The following NIPAL2 variants were observed in gnomAD, a reference collection of about 807,000 sequenced individuals.
NIPAL2 encodes NIPA like domain containing 2.
Under a neutral mutation model 48.9 loss-of-function variants are expected in NIPAL2, and 43 were observed. The ratio of observed to expected loss-of-function variants is 0.88; its 90% confidence interval spans 0.69 to 1.13. NIPAL2 has a LOEUF of 1.13. Ranked by LOEUF, NIPAL2 falls within the 50% of genes most tolerant of loss-of-function variation. The pLI, the probability that NIPAL2 is intolerant of heterozygous loss-of-function variation, is 0.00. For synonymous variants in NIPAL2, 167 were observed against 174.6 expected (o/e 0.96, Z 0.34); for missense variants, 446 against 461.4 (o/e 0.97, Z 0.31).
chr8:98,259,069 C>CTTTTTTTTTTTTTTTTTTTTTTTTTTT (rs1563531576), intron 1 of NIPAL2, among the ~76,000 whole-genome samples: 1 of 89,354 alleles, frequency 1.1e-5, no homozygotes, highest in African/African-American at 4.6e-5. Context: ...TTTAAATATT[C>CTTTTTTTTTTTTTTTTTTTTTTTTTTT]CTTTTTTTTT....
At chr8:98,195,666 G>T in intron 9 of NIPAL2, 1 of 314,894 alleles carries the variant, frequency 3.2e-6, no homozygotes. Context: ...GAAAGGTCGT[G>T]CAGTAACTAC....
intron 1 of NIPAL2, among the ~76,000 whole-genome samples, chr8:98,269,701 T>C (rs1815008272): frequency 6.6e-6 from 1 of 152,172 alleles, no homozygotes; most frequent in African/African-American, 2.4e-5. Flanking sequence ...TTTCCATTTT[T>C]CTTTTAGATT....
At chr8:98,233,666 G>A (rs1048200776) in intron 4 of NIPAL2, among the ~76,000 whole-genome samples, 1 of 152,162 alleles carries the variant, frequency 6.6e-6, no homozygotes, top group Non-Finnish European at 1.5e-5. Flanking sequence ...CTGGTTTATT[G>A]CTTCTGGTAA....
At chr8:98,263,313 C>A (rs1332198393) in intron 1 of NIPAL2, among the ~76,000 whole-genome samples, 6 of 150,044 alleles carry the variant, frequency 4.0e-5, no homozygotes, top group African/African-American at 9.8e-5. Flanking sequence ...ACACAAAAGA[C>A]CCTTCAAAAA....
At chr8:98,193,534 T>A in intron 10 of NIPAL2, 1 of 990,410 alleles carries the variant, frequency 1.0e-6, no homozygotes, top group Non-Finnish European at 1.6e-6. Flanking sequence ...TTAAAAATAA[T>A]CAGGCTCGGT....
At chr8:98,260,483 G>A (rs995158876) in intron 1 of NIPAL2, among the ~76,000 whole-genome samples, 3 of 152,182 alleles carry the variant, frequency 2.0e-5, no homozygotes, top group Non-Finnish European at 2.9e-5. Flanking sequence ...AAGGGGTCAG[G>A]GAGTTCCCTT....
In NIPAL2 at chr8:98,212,487, T is replaced by C; in HGVS notation, c.573A>G (p.Leu191=). Residue 191 remains leucine, a synonymous_variant, in exon 6 of 11, where the codon TTA becomes TTG. Coordinates refer to ENST00000430223, the MANE Select transcript of NIPAL2 (RefSeq NM_001321635.2). ...AGAAATACAGGAGAATGCAGAAAAT[T>C]AATATTTCTAAAATCTAGAAATGAA... The part of the protein sequence containing the change: ...QFLIYVILEI[L]IFCILLYFYK... The C allele has an allele frequency of 1.4e-6, 2 of 1,425,488 alleles. No homozygotes were observed. The highest frequency in any genetic ancestry group is 2.0e-6 in the Non-Finnish European group (2 of 1,010,340). 88.3% of individuals were successfully genotyped at this position (1,425,488 alleles called of 1,614,324 possible).
chr8:98,294,009 C>T lies in NIPAL2; in HGVS notation c.129G>A (p.Arg43=), dbSNP rs750587606. 554 of 1,489,910 alleles carry T rather than the reference C, an allele frequency of 3.7e-4. No individual in the cohort carries two copies. Among genetic ancestry groups the T allele is most frequent in the Non-Finnish European group, 3.5e-4 (388 of 1,119,308 alleles). The allele number at this position is 1,489,910 out of a possible 1,614,324, so 92.3% of individuals were successfully genotyped here. A position where few individuals can be genotyped will look rare whatever the true frequency, so the allele number is the denominator to read the frequency against. ...NGSLSGDWYR[R]NQIHLFGVLL... is the part of the protein sequence containing the mutation. ...GCTGCGGGGCGGCCCTTACCTGGTT[C>T]CTGCGGTACCAGTCGCCCGAGAGGG... The change falls in exon 1 of 11, where the codon AGG becomes AGA. Residue 43 remains arginine, a synonymous_variant. Transcript: ENST00000430223.
At chr8:98,261,706 A>G (rs1814345947) in intron 1 of NIPAL2, among the ~76,000 whole-genome samples, 1 of 147,182 alleles carries the variant, frequency 6.8e-6, no homozygotes, top group South Asian at 2.2e-4. Flanking sequence ...AACACTCTGC[A>G]GGATATTATC....
intron 3 of NIPAL2, among the ~76,000 whole-genome samples, chr8:98,251,938 T>G (rs1365983393): frequency 6.6e-6 from 1 of 152,256 alleles, no homozygotes; most frequent in Non-Finnish European, 1.5e-5. Context: ...ATCTCATTTT[T>G]TCTTTTCTAA....
intron 3 of NIPAL2, among the ~76,000 whole-genome samples, chr8:98,248,301 T>C (rs1813405776): frequency 6.6e-6 from 1 of 152,234 alleles, no homozygotes; most frequent in African/African-American, 2.4e-5. Flanking sequence ...AATTTAACCA[T>C]CAGCCATCTT....
intron 1 of NIPAL2, among the ~76,000 whole-genome samples, chr8:98,259,519 A>G (rs1814159479): frequency 6.6e-6 from 1 of 152,220 alleles, no homozygotes. Flanking sequence ...AAAAATGGAC[A>G]CAATTCCTTA....
At chr8:98,233,975 A>T (rs1013592281) in intron 4 of NIPAL2, among the ~76,000 whole-genome samples, 1 of 152,142 alleles carries the variant, frequency 6.6e-6, no homozygotes, top group Non-Finnish European at 1.5e-5. Context: ...ATTCTCTCTG[A>T]TCTTCTCAGC....
chr8:98,280,078 T>G (rs1383864948), intron 1 of NIPAL2, among the ~76,000 whole-genome samples: 1 of 152,242 alleles, frequency 6.6e-6, no homozygotes, highest in Non-Finnish European at 1.5e-5. Context: ...CCTGTAGTAC[T>G]GTGTTATTGA....
intron 2 of NIPAL2, among the ~76,000 whole-genome samples, 175 bp from the exon 3 acceptor site, chr8:98,252,809 T>C (rs1207056588): frequency 6.6e-6 from 1 of 152,220 alleles, no homozygotes; most frequent in African/African-American, 2.4e-5. Context: ...TAGGTCATTT[T>C]CTAGCAAAGA....
At chr8:98,226,203 A>T (rs1812165137) in intron 4 of NIPAL2, among the ~76,000 whole-genome samples, 1 of 152,074 alleles carries the variant, frequency 6.6e-6, no homozygotes, top group Non-Finnish European at 1.5e-5. Context: ...TTGCCTCTCC[A>T]GGATTGGCCC....
Position 98,194,115 on chromosome 8 carries a change from AG to A in NIPAL2, c.1039+612del, listed in dbSNP as rs1197563038. On this transcript the variant is annotated intron_variant, in intron 10 of 10. Coordinates refer to ENST00000430223, the MANE Select transcript of NIPAL2 (RefSeq NM_001321635.2). ...CCCTACATCCCCAGTAAGGCTGGAGAGTGCTGAGGGCGGGTGGACAGGGGAA... is the reference window on the plus strand; with the variant it reads ...CCCTACATCCCCAGTAAGGCTGGAGATGCTGAGGGCGGGTGGACAGGGGAA... Among the ~76,000 whole-genome samples, 614 of 152,252 alleles carry A rather than the reference AG, an allele frequency of 4.0e-3. 3 individuals carry two copies. The highest frequency in any genetic ancestry group is 0.013 in the African/African-American group (541 of 41,534).
At position 98,222,534 on chromosome 8, in the gene NIPAL2, A is replaced by G. The variant is rs1252077293; in HGVS notation, c.503T>C (p.Ile168Thr). ...GTAATACTGTACTGTTCTTGCTGAGATTGCCTGAGTTATATTTGGAGCAAA... is the reference window on the plus strand; with the variant it reads ...GTAATACTGTACTGTTCTTGCTGAGGTTGCCTGAGTTATATTTGGAGCAAA... ...VNFAPNITQA[I>T]SARTVQYYLV... Residue 168 changes from isoleucine (I) to threonine (T), a missense_variant, in exon 5 of 11, where the codon ATC becomes ACC. Physicochemically the swap from Ile to Thr is moderately conservative, Grantham distance 89. Transcript: ENST00000430223. 6.2e-7 allele frequency: 1 copy of G among 1,614,090 alleles called. No individual in the cohort carries two copies. The highest frequency in any genetic ancestry group is 1.1e-5 in the South Asian group (1 of 91,076).
intron 1 of NIPAL2, among the ~76,000 whole-genome samples, chr8:98,255,549 A>T (rs557591755): frequency 9.1e-4 from 138 of 152,342 alleles, no homozygotes; most frequent in Non-Finnish European, 1.3e-3. Flanking sequence ...TAGAAATGAA[A>T]TTTAGTATTT....
Sources: gnomAD v4.1 joint callset for allele counts (sites outside exome capture counted in the v4.1 genomes callset) on GRCh38, gnomAD v4.1.1 for gene constraint, MANE v1.5 for transcripts, NCBI Gene and HGNC (gene_info 2026-07-23, HGNC 2026-07-21) for gene names.